The following NDUFAF6 variants were observed in gnomAD, a reference collection of about 807,000 sequenced individuals.
NDUFAF6 encodes the protein NADH dehydrogenase (ubiquinone) complex I, assembly factor 6.
NDUFAF6 carries 45 observed loss-of-function variants against 40.8 expected under a neutral mutation model. The observed-to-expected ratio is 1.10, with a 90% confidence interval of 0.87 to 1.42. NDUFAF6 has a LOEUF of 1.42. Among genes scored for constraint, NDUFAF6 ranks in the 40% most tolerant of loss-of-function variants. NDUFAF6 has a pLI of 0.00. For missense variants in NDUFAF6, 435 were observed against 418.5 expected (o/e 1.04, Z -0.34); for synonymous variants, 185 against 155.9 (o/e 1.19, Z -1.39).
At chr8:94,946,696 CAAAAAAAAAAAAA>C (rs71273438) in intron 2 of NDUFAF6, among the ~76,000 whole-genome samples, 1 of 34,688 alleles carries the variant, frequency 2.9e-5, no homozygotes, top group Non-Finnish European at 5.3e-5. Context: ...GACCCTGTCT[CAAAAAAAAAAAAA>C]AAAAAAAAAA....
At chr8:95,018,226 G>A (rs1324656920) in intron 2 of NDUFAF6, among the ~76,000 whole-genome samples, 1 of 147,668 alleles carries the variant, frequency 6.8e-6, no homozygotes, top group Non-Finnish European at 1.5e-5. Flanking sequence ...TTGTAGAGAT[G>A]GGGTCTCCCT....
rs538857757 is a variant in NDUFAF6 at position 94,971,323 on chromosome 8, A to G, written c.-198-9536A>G. On this transcript the variant is annotated intron_variant, in intron 1 of 9. Coordinates refer to the NDUFAF6 transcript ENST00000396111. The stretch of plus-strand genomic sequence containing the variant: ...AAGGAATGAAAGTCAGGGTGTAGCT[A>G]ATAGAATTCATAGAGTGAAGCTGAT... 1.0e-3 allele frequency among the ~76,000 whole-genome samples: 159 copies of G among 151,792 alleles called. 2 individuals carry two copies. The South Asian group carries it at 0.032, about 31-fold the overall frequency.
downstream of NDUFAF6, among the ~76,000 whole-genome samples, chr8:95,105,780 C>T (rs1011545782): frequency 6.6e-6 from 1 of 151,840 alleles, no homozygotes; most frequent in Admixed American, 6.6e-5. Flanking sequence ...GGATTACAGG[C>T]GTGAACCACC....
intron 3 of NDUFAF6, among the ~76,000 whole-genome samples, chr8:95,039,367 C>T (rs888376990): frequency 2.0e-5 from 3 of 151,764 alleles, no homozygotes; most frequent in Admixed American, 6.6e-5. Context: ...GCAGGAGAAT[C>T]GCTTGAACCG....
At chr8:95,058,809 AAATGAGGCACAT>A (rs753929080), downstream of NDUFAF6, 20 of 977,576 alleles carry the variant, frequency 2.0e-5, no homozygotes, top group Admixed American at 1.2e-4. Context: ...AAAACCTGTG[AAATGAGGCACAT>A]TTTTGTTCAT....
At chr8:94,999,709 A>C (rs1393289296) in intron 2 of NDUFAF6, among the ~76,000 whole-genome samples, 1 of 152,056 alleles carries the variant, frequency 6.6e-6, no homozygotes, top group Non-Finnish European at 1.5e-5. Context: ...GAGCCACCAC[A>C]CCGGGCCCAT....
chr8:95,026,206 G>T (rs1464383657), intron 1 of NDUFAF6, among the ~76,000 whole-genome samples: 5 of 152,084 alleles, frequency 3.3e-5, no homozygotes. Context: ...GTGGCTACAC[G>T]CCTGTAATCT....
chr8:94,920,991 CTTAAGAAAAT>C (rs1819462324), intron 1 of NDUFAF6, among the ~76,000 whole-genome samples: 1 of 152,034 alleles, frequency 6.6e-6, no homozygotes, highest in Admixed American at 6.6e-5. Context: ...TAGAACTAGC[CTTAAGAAAAT>C]TTAAGAAAAA....
rs181057921 is a variant in NDUFAF6 at position 94,940,366 on chromosome 8, C to G, written c.-935-5117C>G. On this transcript the variant is annotated intron_variant, in intron 1 of 14. Transcript: ENST00000396113. ...AGATGATACTATTAGCTGATGCTCA[C>G]GTATCTTCTTTTATTTAGTTCAGAA... 3.3e-6 allele frequency: 3 copies of G among 915,420 alleles called. No homozygotes were observed. In the Admixed American group the frequency reaches 8.8e-5, roughly 27 times the overall value. 56.7% of individuals were successfully genotyped at this position (915,420 alleles called of 1,614,324 possible). A position where few individuals can be genotyped will look rare whatever the true frequency, so the allele number is the denominator to read the frequency against.
intron 1 of NDUFAF6, among the ~76,000 whole-genome samples, chr8:94,920,326 T>C (rs1038177264): frequency 1.3e-5 from 2 of 152,246 alleles, no homozygotes; most frequent in African/African-American, 4.8e-5. Flanking sequence ...TTCTGGATGC[T>C]GTGAAGTTCG....
chr8:95,097,663 C>T (rs571700782), upstream of NDUFAF6, among the ~76,000 whole-genome samples: 1 of 152,312 alleles, frequency 6.6e-6, no homozygotes, highest in African/African-American at 2.4e-5. Context: ...CACGCCATTG[C>T]ACTCTAGCCT....
chr8:94,964,964 A>G (rs760248270), intron 1 of NDUFAF6, among the ~76,000 whole-genome samples: 1 of 152,196 alleles, frequency 6.6e-6, no homozygotes, highest in African/African-American at 2.4e-5. Context: ...TCTCAGGTCC[A>G]GCATCTCTTC....
chr8:94,936,764 A>G (rs1821015318), intron 1 of NDUFAF6, among the ~76,000 whole-genome samples: 1 of 152,140 alleles, frequency 6.6e-6, no homozygotes, highest in Non-Finnish European at 1.5e-5. Context: ...GGTGACTGGG[A>G]CTGGAAGCAG....
At chr8:94,955,622 T>G (rs1400241318), upstream of NDUFAF6, among the ~76,000 whole-genome samples, 3 of 152,206 alleles carry the variant, frequency 2.0e-5, no homozygotes, top group Non-Finnish European at 4.4e-5. Context: ...TTCCCTTTTT[T>G]GAACCCCAAA....
At chr8:94,921,890 A>C (rs1048092220) in intron 1 of NDUFAF6, among the ~76,000 whole-genome samples, 1 of 152,252 alleles carries the variant, frequency 6.6e-6, no homozygotes. Context: ...ATTCCCTGGA[A>C]TAGTAGTGGC....
chr8:94,922,599 C>T (rs547381063), intron 1 of NDUFAF6, among the ~76,000 whole-genome samples: 1 of 152,052 alleles, frequency 6.6e-6, no homozygotes, highest in East Asian at 1.9e-4. Flanking sequence ...CTGCCTCAGC[C>T]TCCTGAGTAG....
intron 1 of NDUFAF6, chr8:94,928,015 A>T (rs1820050792): frequency 6.6e-6 from 1 of 152,474 alleles, no homozygotes; most frequent in African/African-American, 2.4e-5. Context: ...TACATACAGG[A>T]GATGCCTAAC....
At chr8:94,988,376 G>T (rs1223705771) in intron 2 of NDUFAF6, 1 of 152,048 alleles carries the variant, frequency 6.6e-6, no homozygotes, top group Non-Finnish European at 1.5e-5. Flanking sequence ...GGCCCATTCT[G>T]GTGACTCATG....
intron 2 of NDUFAF6, among the ~76,000 whole-genome samples, chr8:94,951,616 C>T (rs1196944329): frequency 6.6e-6 from 1 of 152,206 alleles, no homozygotes; most frequent in Non-Finnish European, 1.5e-5. Context: ...GGGCGTGCCT[C>T]AGGGCAGCAT....
Sources: allele counts gnomAD v4.1 joint callset (sites outside exome capture counted in the v4.1 genomes callset), GRCh38; gene constraint gnomAD v4.1.1; transcripts MANE v1.5; gene names NCBI Gene and HGNC (gene_info 2026-07-23, HGNC 2026-07-21).